Variants in SYCP2L observed in about 807,000 individuals in gnomAD.
SYCP2L encodes the protein synaptonemal complex protein 2-like.
A neutral mutation model predicts 125.8 loss-of-function variants in SYCP2L; 98 were observed. That is an observed-to-expected ratio of 0.78 (90% CI 0.66 to 0.92). SYCP2L has a LOEUF of 0.92. Among genes scored for constraint, SYCP2L ranks in the 40% least tolerant of loss-of-function variants. The pLI is 0.00. For synonymous variants in SYCP2L, 317 were observed against 325.4 expected (o/e 0.97, Z 0.28); for missense variants, 842 against 936.4 (o/e 0.90, Z 1.32).
chr6:10,894,073 G>A lies in SYCP2L; in HGVS notation c.217-12G>A, dbSNP rs1780218316. ...TTTATAAGTGTTTTAACTTAGTGTG[G>A]TTTATACCTAGGAACTAGATAAAAA... On this transcript the variant is annotated splice_polypyrimidine_tract_variant and intron_variant, in intron 3 of 29. Transcript: ENST00000283141. 6.2e-7 allele frequency: 1 copy of A among 1,609,780 alleles called. No homozygotes were observed. Among genetic ancestry groups the A allele is most frequent in the Admixed American group, 1.7e-5 (1 of 58,900 alleles).
chr6:10,894,110 C>G lies in SYCP2L; in HGVS notation c.242C>G (p.Ser81Cys), dbSNP rs773265815. The change falls in exon 4 of 30, where the codon TCT becomes TGT. Residue 81 changes from serine to cysteine, a missense_variant. Physicochemically the swap from Ser to Cys is moderately radical, Grantham distance 112 (BLOSUM62 -1). Transcript: ENST00000283141. ...NKELDKNEFQ[S>C]VSLLLKCIQR... ...GAACTAGATAAAAATGAATTTCAGT[C>G]TGTGTCACTGTTGCTGAAATGTATT... 6.2e-7 allele frequency: 1 copy of G among 1,612,656 alleles called. No homozygotes were observed. The highest frequency in any genetic ancestry group is 8.5e-7 in the Non-Finnish European group (1 of 1,179,656).
At chr6:10,914,352 C>G (rs1780654568) in intron 14 of SYCP2L, among the ~76,000 whole-genome samples, 1 of 152,116 alleles carries the variant, frequency 6.6e-6, no homozygotes, top group Non-Finnish European at 1.5e-5. Flanking sequence ...TATTCTGTTC[C>G]ATTGGTCTAT....
intron 6 of SYCP2L, among the ~76,000 whole-genome samples, chr6:10,901,751 A>G (rs1780379645): frequency 6.6e-6 from 1 of 152,242 alleles, no homozygotes; most frequent in South Asian, 2.1e-4. Context: ...CTTTGGGTGT[A>G]TTTAACAGAG....
chr6:10,925,823 A>G (rs116315487), intron 15 of SYCP2L, among the ~76,000 whole-genome samples: 1,583 of 152,334 alleles, frequency 0.01, 28 homozygotes, highest in African/African-American at 0.036. Flanking sequence ...TCTGAAGACA[A>G]GTTTGCCTTA....
At chr6:10,969,610 C>T (rs1251370072) in intron 29 of SYCP2L, among the ~76,000 whole-genome samples, 2 of 151,932 alleles carry the variant, frequency 1.3e-5, no homozygotes, top group South Asian at 2.1e-4. Flanking sequence ...GTGATCTGCC[C>T]GCCTCGGCCT....
At chr6:10,947,787 T>C (rs1781341953) in intron 23 of SYCP2L, among the ~76,000 whole-genome samples, 1 of 152,126 alleles carries the variant, frequency 6.6e-6, no homozygotes, top group East Asian at 1.9e-4. Flanking sequence ...GTCTTAAAAA[T>C]AGCAGTGAAA....
At chr6:10,897,037 T>C (rs1000612921) in intron 4 of SYCP2L, among the ~76,000 whole-genome samples, 1 of 138,756 alleles carries the variant, frequency 7.2e-6, no homozygotes, top group African/African-American at 2.8e-5. Context: ...GCGGAGTTTT[T>C]CTAATTTTTT....
chr6:10,908,085 G>A (rs767762068), intron 10 of SYCP2L, among the ~76,000 whole-genome samples: 9 of 151,708 alleles, frequency 5.9e-5, no homozygotes. Context: ...ACCAGGTTTA[G>A]CCATGTTGGC....
At position 10,954,727 on chromosome 6, in the gene SYCP2L, G is replaced by T. The variant is rs923690689; in HGVS notation, c.1955-389G>T. On this transcript the variant is annotated intron_variant, in intron 23 of 29. Coordinates refer to ENST00000283141, the MANE Select transcript of SYCP2L (RefSeq NM_001040274.3). The surrounding 1 kb of genome is among the most constrained non-coding windows in gnomAD (Gnocchi z 4.8). ...GTGTCACCAGCAGATGGCGCGCTCC[G>T]GGGTGTGAGCTGAAGCACTTCCAAA... is the stretch of plus-strand genomic sequence containing the variant. Among the ~76,000 whole-genome samples, 3 of 152,180 alleles carry T rather than the reference G, an allele frequency of 2.0e-5. No homozygotes were observed. Among genetic ancestry groups the T allele is most frequent in the African/African-American group, 4.8e-5 (2 of 41,450 alleles).
chr6:10,969,766 G>A (rs73434829), intron 29 of SYCP2L, among the ~76,000 whole-genome samples: 2,818 of 152,160 alleles, frequency 0.019, 84 homozygotes, highest in African/African-American at 0.063. Context: ...GTGCCTAGAT[G>A]CCCAGCTAAA....
chr6:10,930,631 GC>G, intron 19 of SYCP2L, 117 bp downstream of exon 19: 1 of 1,188,350 alleles, frequency 8.4e-7, no homozygotes, highest in Non-Finnish European at 1.2e-6. Context: ...TATGGGGCCA[GC>G]TTTCCCTGCT....
intron 12 of SYCP2L, among the ~76,000 whole-genome samples, 198 bp downstream of exon 12, chr6:10,911,067 G>T (rs932148941): frequency 6.6e-6 from 1 of 152,068 alleles, no homozygotes; most frequent in Non-Finnish European, 1.5e-5. Context: ...TAAGTTTAAG[G>T]CCTCTACTGT....
Position 10,912,280 on chromosome 6 carries a change from G to A in SYCP2L, c.919-393G>A, listed in dbSNP as rs1484192384. Reference sequence around the variant, plus strand: ...TACTCTAATGGTTGGAAGATAGATGGCAAATCACTCATGTTTGGTTACAGT... The same window carrying A: ...TACTCTAATGGTTGGAAGATAGATGACAAATCACTCATGTTTGGTTACAGT... On this transcript the variant is annotated intron_variant, in intron 12 of 29. Transcript: ENST00000283141. The surrounding 1 kb of genome is among the most constrained non-coding windows in gnomAD (Gnocchi z 4.1). 2.0e-5 allele frequency among the ~76,000 whole-genome samples: 3 copies of A among 152,074 alleles called. No individual in the cohort carries two copies. The highest frequency in any genetic ancestry group is 2.1e-4 in the South Asian group (1 of 4,816).
At chr6:10,909,053 G>GAAA (rs779713295) in intron 10 of SYCP2L, among the ~76,000 whole-genome samples, 1 of 150,420 alleles carries the variant, frequency 6.6e-6, no homozygotes, top group Non-Finnish European at 1.5e-5. Flanking sequence ...TGAAAATAGA[G>GAAA]AAATGTAATT....
intron 19 of SYCP2L, among the ~76,000 whole-genome samples, chr6:10,930,952 T>C (rs778678303): frequency 1.1e-4 from 16 of 152,128 alleles, no homozygotes; most frequent in Non-Finnish European, 2.4e-4. Flanking sequence ...GTGGGAGGGT[T>C]GTTTGAGCCC....
intron 4 of SYCP2L, among the ~76,000 whole-genome samples, chr6:10,897,004 G>A (rs1780268524): frequency 6.6e-6 from 1 of 152,112 alleles, no homozygotes; most frequent in Non-Finnish European, 1.5e-5. Flanking sequence ...GTCATGTTCA[G>A]CTGATAATTT....
At chr6:10,903,485 T>C (rs554764731) in intron 8 of SYCP2L, among the ~76,000 whole-genome samples, 2 of 152,196 alleles carry the variant, frequency 1.3e-5, no homozygotes, top group South Asian at 2.1e-4. Flanking sequence ...GAGGTGGAGC[T>C]TGCAGTGAGC....
chr6:10,937,612 A>G (rs746373874), intron 21 of SYCP2L, among the ~76,000 whole-genome samples: 1 of 152,192 alleles, frequency 6.6e-6, no homozygotes, highest in Non-Finnish European at 1.5e-5. Flanking sequence ...TAGAAAGACA[A>G]TAGAAATGTT....
At chr6:10,961,610 A>C in intron 28 of SYCP2L, 52 bp downstream of exon 28, 1 of 1,570,762 alleles carries the variant, frequency 6.4e-7, no homozygotes, top group South Asian at 1.1e-5. Context: ...GTATGAGGTA[A>C]TGCTTTAGCT....
Sources: gnomAD v4.1 joint callset for allele counts (sites outside exome capture counted in the v4.1 genomes callset) on GRCh38, gnomAD v4.1.1 for gene constraint, Gnocchi (gnomAD v3.1) non-coding constraint, MANE v1.5 for transcripts, NCBI Gene and HGNC (gene_info 2026-07-23, HGNC 2026-07-21) for gene names.